The following NFKB1 variants were observed in gnomAD, a reference collection of about 807,000 sequenced individuals.
The protein encoded by NFKB1 is nuclear factor kappa B subunit 1, also known as nuclear factor NF-kappa-B p105 subunit.
NFKB1 carries 9 observed loss-of-function variants against 105.1 expected under a neutral mutation model. The observed-to-expected ratio is 0.09, with a 90% CI of 0.05 to 0.15. The LOEUF is 0.15. Among genes scored for constraint, NFKB1 ranks in the 10% least tolerant of loss-of-function variants. NFKB1 has a pLI of 1.00. For missense variants in NFKB1, 830 were observed against 1,203.7 expected, an observed-to-expected ratio of 0.69 and a Z score of 4.59; for synonymous variants, 440 against 442.2, an observed-to-expected ratio of 1.00 and a Z score of 0.06.
chr4:102,575,932 C>T (rs1380759304), intron 6 of NFKB1, among the ~76,000 whole-genome samples: 1 of 152,224 alleles, frequency 6.6e-6, no homozygotes, highest in Non-Finnish European at 1.5e-5. Flanking sequence ...TTTCCTGGCA[C>T]TGATAAGGAT....
intron 7 of NFKB1, chr4:102,578,152 A>G (rs1725019248): frequency 5.2e-6 from 1 of 191,494 alleles, no homozygotes; most frequent in Non-Finnish European, 9.6e-6. Context: ...GAATGCCTTT[A>G]TCCACTCTCT....
chr4:102,612,076 G>A lies in NFKB1; in HGVS notation c.2385G>A (p.Glu795=), dbSNP rs747278131. 3 of 1,614,092 alleles carry A rather than the reference G, an allele frequency of 1.9e-6. No individual in the cohort carries two copies. Among genetic ancestry groups the A allele is most frequent in the African/African-American group, 2.7e-5 (2 of 75,050 alleles). The change falls in exon 21 of 24, where the codon GAG becomes GAA. Residue 795 remains glutamate (E), a synonymous_variant. Coordinates refer to ENST00000226574, the MANE Select transcript of NFKB1 (RefSeq NM_003998.4). ...ACATATTAAATGGGAAACCATATGA[G>A]CCAGAGTTTACATCTGATGATTTAC... is the stretch of plus-strand genomic sequence containing the variant. ...VFDILNGKPY[E]PEFTSDDLLA... is the part of the protein sequence containing the mutation.
chr4:102,593,161 TAAC>T (rs1324300742), intron 11 of NFKB1: 2 of 249,630 alleles, frequency 8.0e-6, no homozygotes, highest in Non-Finnish European at 1.5e-5. Flanking sequence ...TCACTAGTTT[TAAC>T]AACACTGGGG....
chr4:102,551,367 T>TGTGTGTGTGTGTGTGTGTGTGC (rs370790173), intron 5 of NFKB1, among the ~76,000 whole-genome samples: 1 of 150,094 alleles, frequency 6.7e-6, no homozygotes, highest in African/African-American at 2.4e-5. Flanking sequence ...TGTGTGTGTG[T>TGTGTGTGTGTGTGTGTGTGTGC]GCGCGCGCGC....
chr4:102,515,107 ATTTTTTTT>A (rs34257045), intron 1 of NFKB1, among the ~76,000 whole-genome samples: 2 of 95,656 alleles, frequency 2.1e-5, no homozygotes, highest in South Asian at 6.9e-4. Context: ...TATTATTATT[ATTTTTTTT>A]TTTTTTTTTT....
intron 5 of NFKB1, among the ~76,000 whole-genome samples, chr4:102,556,735 A>G (rs114444700): frequency 7.2e-4 from 109 of 152,328 alleles, no homozygotes; most frequent in African/African-American, 2.6e-3. Flanking sequence ...GAGAAATAGA[A>G]TGGCATTCAA....
intron 11 of NFKB1, 98 bp from the exon 12 acceptor site, chr4:102,593,327 G>T: frequency 9.0e-7 from 1 of 1,109,858 alleles, no homozygotes; most frequent in South Asian, 1.6e-5. Context: ...TTCCCTTTAA[G>T]ATGTTTAAAA....
chr4:102,516,907 T>C (rs913463401), intron 1 of NFKB1, among the ~76,000 whole-genome samples: 2 of 152,220 alleles, frequency 1.3e-5, no homozygotes, highest in African/African-American at 4.8e-5. Context: ...TCCCATCGTG[T>C]GGTCTTTCTG....
chr4:102,534,166 C>T (rs1560649405), intron 4 of NFKB1, among the ~76,000 whole-genome samples: 2 of 152,196 alleles, frequency 1.3e-5, no homozygotes, highest in South Asian at 4.1e-4. Context: ...ACCAGCTTAA[C>T]TTACCAGCCA....
intron 5 of NFKB1, among the ~76,000 whole-genome samples, chr4:102,550,639 AAATAG>A (rs1470998128): frequency 6.6e-6 from 1 of 152,222 alleles, no homozygotes; most frequent in Non-Finnish European, 1.5e-5. Context: ...ATTTGTAGAA[AAATAG>A]AATAGTTTTA....
intron 20 of NFKB1, among the ~76,000 whole-genome samples, chr4:102,610,910 C>CTAATCAGATCA (rs1165715242): frequency 6.6e-6 from 1 of 152,114 alleles, no homozygotes; most frequent in East Asian, 1.9e-4. Context: ...AAGTGTATGC[C>CTAATCAGATCA]TAATCAGATC....
intron 11 of NFKB1, 95 bp from the exon 12 acceptor site, chr4:102,593,330 G>A (rs1726324272): frequency 8.7e-7 from 1 of 1,155,550 alleles, no homozygotes; most frequent in Non-Finnish European, 1.2e-6. Flanking sequence ...CCTTTAAGAT[G>A]TTTAAAAATA....
At chr4:102,561,170 G>C (rs1263659006) in intron 5 of NFKB1, among the ~76,000 whole-genome samples, 1 of 151,984 alleles carries the variant, frequency 6.6e-6, no homozygotes, top group East Asian at 1.9e-4. Flanking sequence ...GGTTGCCCTG[G>C]TTGCTCAACA....
At chr4:102,526,824 A>G (rs1740943162) in intron 2 of NFKB1, among the ~76,000 whole-genome samples, 1 of 152,144 alleles carries the variant, frequency 6.6e-6, no homozygotes, top group Non-Finnish European at 1.5e-5. Flanking sequence ...TTTATTTTGA[A>G]AAATGTTGGA....
chr4:102,562,054 C>T lies in NFKB1; in HGVS notation c.259-4933C>T, dbSNP rs549099330. Among the ~76,000 whole-genome samples the T allele has an allele frequency of 9.2e-5, 14 of 152,230 alleles. No individual in the cohort carries two copies. The South Asian group carries it at 2.9e-3, about 32-fold the overall frequency. On this transcript the variant is annotated intron_variant, in intron 5 of 23. Transcript: ENST00000226574. ...TCTCAATAGGGAAGTGGAGGAACAA[C>T]CTGGGAGTTGTCAGCTTGAAGAAAA... is the stretch of plus-strand genomic sequence containing the variant.
At chr4:102,599,978 T>C (rs1726999075) in intron 15 of NFKB1, among the ~76,000 whole-genome samples, 1 of 152,202 alleles carries the variant, frequency 6.6e-6, no homozygotes, top group African/African-American at 2.4e-5. Flanking sequence ...TAGCGTAAGC[T>C]CTTAAGTTCC....
intron 11 of NFKB1, among the ~76,000 whole-genome samples, chr4:102,587,657 C>T (rs1725823456): frequency 6.6e-6 from 1 of 152,016 alleles, no homozygotes. Context: ...TCCAGGCTGT[C>T]ATTGATGAAA....
chr4:102,567,242 C>A, intron 6 of NFKB1, 107 bp downstream of exon 6: 1 of 1,160,686 alleles, frequency 8.6e-7, no homozygotes, highest in Non-Finnish European at 1.2e-6. Flanking sequence ...CTGAGACCCT[C>A]AGATGACCTC....
At chr4:102,556,494 T>C (rs1334412497) in intron 5 of NFKB1, among the ~76,000 whole-genome samples, 1 of 151,024 alleles carries the variant, frequency 6.6e-6, no homozygotes, top group East Asian at 1.9e-4. Flanking sequence ...AAATGGGGAG[T>C]TGGGGGAGAC....
Sources: allele counts gnomAD v4.1 joint callset (sites outside exome capture counted in the v4.1 genomes callset), GRCh38; gene constraint gnomAD v4.1.1; transcripts MANE v1.5; gene names NCBI Gene and HGNC (gene_info 2026-07-23, HGNC 2026-07-21).